ADIPOR2: variants seen among roughly 807,000 people sequenced by gnomAD.
ADIPOR2 encodes adiponectin receptor protein 2.
ADIPOR2 carries 18 observed loss-of-function variants against 40.9 expected under a neutral mutation model. The observed-to-expected ratio is 0.44, with a 90% CI of 0.30 to 0.65. ADIPOR2 has a LOEUF of 0.65. Ranked by LOEUF, ADIPOR2 falls within the 30% of genes least tolerant of loss-of-function variation. ADIPOR2 has a pLI of 0.09. For synonymous variants in ADIPOR2, 165 were observed against 166.4 expected, an observed-to-expected ratio of 0.99 and a Z score of 0.06; for missense variants, 283 against 479.2, an observed-to-expected ratio of 0.59 and a Z score of 3.82.
At chr12:1,758,217 G>T (rs1294456323) in intron 2 of ADIPOR2, among the ~76,000 whole-genome samples, 1 of 152,076 alleles carries the variant, frequency 6.6e-6, no homozygotes, top group Admixed American at 6.5e-5. Flanking sequence ...TAGGTGGATG[G>T]GATTTTTCCC....
chr12:1,743,254 G>T (rs2094747310), intron 1 of ADIPOR2, among the ~76,000 whole-genome samples: 1 of 101,068 alleles, frequency 9.9e-6, no homozygotes, highest in Non-Finnish European at 2.1e-5. Flanking sequence ...AAACAAAGCA[G>T]TGAGCCAAGA....
chr12:1,767,717 CAGAA>C (rs1862414385), intron 2 of ADIPOR2, among the ~76,000 whole-genome samples: 1 of 152,124 alleles, frequency 6.6e-6, no homozygotes, highest in Admixed American at 6.5e-5. Flanking sequence ...AGAAGTATTT[CAGAA>C]AGAAAGTATT....
chr12:1,752,675 A>G (rs1297640477), intron 1 of ADIPOR2, among the ~76,000 whole-genome samples: 1 of 152,188 alleles, frequency 6.6e-6, no homozygotes, highest in Non-Finnish European at 1.5e-5. Context: ...AAAATGGAGG[A>G]TAATAATACC....
At chr12:1,760,506 A>G (rs1862242587) in intron 2 of ADIPOR2, among the ~76,000 whole-genome samples, 1 of 152,002 alleles carries the variant, frequency 6.6e-6, no homozygotes, top group African/African-American at 2.4e-5. Flanking sequence ...ACCCTAGGCA[A>G]CCTCTAGTCT....
intron 2 of ADIPOR2, among the ~76,000 whole-genome samples, chr12:1,771,707 C>G (rs1291610971): frequency 6.6e-6 from 1 of 152,132 alleles, no homozygotes; most frequent in Non-Finnish European, 1.5e-5. Context: ...TAAACAAGAT[C>G]AAATTTAAAG....
chr12:1,708,964 C>G (rs1367406374), intron 1 of ADIPOR2, among the ~76,000 whole-genome samples: 1 of 152,164 alleles, frequency 6.6e-6, no homozygotes, highest in East Asian at 1.9e-4. Flanking sequence ...AGGTGATCCA[C>G]CTGCCTATAC....
At chr12:1,739,454 A>G (rs2094738060) in intron 1 of ADIPOR2, among the ~76,000 whole-genome samples, 3 of 152,360 alleles carry the variant, frequency 2.0e-5, no homozygotes, top group Middle Eastern at 3.4e-3. Flanking sequence ...CTGTTTTTGT[A>G]TGGCTCATGA....
At chr12:1,697,472 C>G (rs1446615206) in intron 1 of ADIPOR2, 1 of 153,276 alleles carries the variant, frequency 6.5e-6, no homozygotes, top group Non-Finnish European at 1.5e-5. Context: ...ACAGTTTTGG[C>G]ATCAGTCCGG....
At chr12:1,738,209 C>CAAAAA (rs56395738) in intron 1 of ADIPOR2, among the ~76,000 whole-genome samples, 3 of 85,592 alleles carry the variant, frequency 3.5e-5, no homozygotes, top group South Asian at 3.9e-4. Context: ...CCTGTCTCTA[C>CAAAAA]AAAAAAAAAA....
At chr12:1,775,767 C>T (rs1391241912) in intron 3 of ADIPOR2, among the ~76,000 whole-genome samples, 3 of 152,298 alleles carry the variant, frequency 2.0e-5, no homozygotes, top group South Asian at 2.1e-4. Context: ...AATTCAGTAT[C>T]TTGGTCTCTC....
At chr12:1,782,295 A>T (rs906083337) in intron 6 of ADIPOR2, among the ~76,000 whole-genome samples, 6 of 152,230 alleles carry the variant, frequency 3.9e-5, no homozygotes, top group African/African-American at 1.4e-4. Flanking sequence ...GTGCTTACAT[A>T]TATTGCTGTA....
At chr12:1,727,266 G>A (rs998423339) in intron 1 of ADIPOR2, among the ~76,000 whole-genome samples, 4 of 152,016 alleles carry the variant, frequency 2.6e-5, no homozygotes, top group African/African-American at 7.3e-5. Context: ...TTTTTTATTC[G>A]ATTGTCTGTA....
chr12:1,713,439 A>G (rs1159491556), intron 1 of ADIPOR2, among the ~76,000 whole-genome samples: 1 of 152,112 alleles, frequency 6.6e-6, no homozygotes, highest in Non-Finnish European at 1.5e-5. Context: ...AATATCCTGT[A>G]ATCCTTTATG....
Position 1,748,335 on chromosome 12 carries a change from G to A in ADIPOR2, c.-86-5923G>A, listed in dbSNP as rs182887932. On this transcript the variant is annotated intron_variant, in intron 1 of 7. Transcript: ENST00000357103. ...GCGATCTCGGCTCACTGCAAACTCC[G>A]CCTCCCGGGTTCACGCCATTCTCCT... Among the ~76,000 whole-genome samples, 30 of 152,080 alleles carry A rather than the reference G, an allele frequency of 2.0e-4. 1 individual carries two copies. In the East Asian group the frequency reaches 4.1e-3, roughly 21 times the overall value.
intron 1 of ADIPOR2, among the ~76,000 whole-genome samples, chr12:1,698,795 C>A (rs1050114965): frequency 1.1e-4 from 16 of 151,868 alleles, no homozygotes; most frequent in African/African-American, 2.4e-5. Flanking sequence ...CATTGCCACC[C>A]AGAAAGGTCA....
At chr12:1,736,544 G>C (rs1198513307) in intron 1 of ADIPOR2, among the ~76,000 whole-genome samples, 22 of 152,058 alleles carry the variant, frequency 1.4e-4, no homozygotes, top group Admixed American at 1.4e-3. Context: ...CAATTTTGTT[G>C]ATCTTTTCAG....
intron 2 of ADIPOR2, among the ~76,000 whole-genome samples, chr12:1,771,835 A>G (rs575973717): frequency 6.6e-5 from 10 of 152,204 alleles, no homozygotes; most frequent in African/African-American, 9.7e-5. Flanking sequence ...GTTTATCTAA[A>G]CAGACTCTTG....
At chr12:1,726,738 A>G (rs930988319) in intron 1 of ADIPOR2, among the ~76,000 whole-genome samples, 2 of 151,992 alleles carry the variant, frequency 1.3e-5, no homozygotes, top group Non-Finnish European at 2.9e-5. Flanking sequence ...TATGCTAGTA[A>G]TAGTTCTATT....
intron 2 of ADIPOR2, among the ~76,000 whole-genome samples, chr12:1,755,103 C>T (rs1862095296): frequency 1.6e-5 from 1 of 61,116 alleles, no homozygotes; most frequent in Admixed American, 1.5e-4. Context: ...ATTTCGGAGA[C>T]GGAGTCTTGT....
Sources: gnomAD v4.1 joint callset for allele counts (sites outside exome capture counted in the v4.1 genomes callset) on GRCh38, gnomAD v4.1.1 for gene constraint, MANE v1.5 for transcripts, NCBI Gene and HGNC (gene_info 2026-07-23, HGNC 2026-07-21) for gene names.